ZDHHC21: variants seen among roughly 807,000 people sequenced by gnomAD.
ZDHHC21 encodes zDHHC palmitoyltransferase 21.
In ZDHHC21, 15 loss-of-function variants were observed where a neutral mutation model predicts 34.6. That is an observed-to-expected ratio of 0.43 (90% CI 0.29 to 0.67). The LOEUF is 0.67. ZDHHC21 is among the 30% of genes least tolerant of loss of function. The pLI, the probability that ZDHHC21 is intolerant of heterozygous loss-of-function variation, is 0.14. For missense variants in ZDHHC21, 344 were observed against 327.7 expected, an observed-to-expected ratio of 1.05 and a Z score of -0.38; for synonymous variants, 142 against 101.8, an observed-to-expected ratio of 1.40 and a Z score of -2.38.
chr9:14,690,532 T>C (rs1327247200), intron 1 of ZDHHC21, 147 bp from the exon 2 acceptor site: 1 of 365,356 alleles, frequency 2.7e-6, no homozygotes, highest in South Asian at 2.1e-5. Context: ...GGGCAACACA[T>C]CGGTTAAGAG....
intron 5 of ZDHHC21, among the ~76,000 whole-genome samples, chr9:14,663,338 T>C (rs189139776): frequency 6.5e-4 from 99 of 152,280 alleles, no homozygotes; most frequent in African/African-American, 2.2e-3. Flanking sequence ...GATTGAATTT[T>C]AGTACATGAA....
rs559380258 is a variant in ZDHHC21, at chr9:14,616,475, G to A, written c.*2491C>T. 1 of 151,766 alleles carries A rather than the reference G, an allele frequency of 6.6e-6. No homozygotes were observed. Among genetic ancestry groups the A allele is most frequent in the East Asian group, 1.9e-4 (1 of 5,146 alleles). The allele number at this position is 151,766 out of a possible 1,614,324, so 9.4% of individuals were successfully genotyped here. On this transcript the variant is annotated 3_prime_UTR_variant, in exon 10 of 10. Transcript: ENST00000380916. Reference sequence around the variant, plus strand: ...ATTTTTGTACATACACTCCTCCTAAGTTTGTACTTTTGATATGTTCAGAAT... The same window carrying A: ...ATTTTTGTACATACACTCCTCCTAAATTTGTACTTTTGATATGTTCAGAAT...
chr9:14,595,410 A>G, the ZDHHC21 span, among the ~76,000 whole-genome samples: 2 of 152,234 alleles, frequency 1.3e-5, no homozygotes, highest in African/African-American at 2.4e-5. Flanking sequence ...GTCAGACATA[A>G]AAGACTACAT....
At chr9:14,686,095 C>T (rs1412481554) in intron 2 of ZDHHC21, among the ~76,000 whole-genome samples, 3 of 151,860 alleles carry the variant, frequency 2.0e-5, no homozygotes, top group African/African-American at 7.3e-5. Flanking sequence ...ATGAGAACTA[C>T]CTAATGTAAA....
At position 14,616,681 on chromosome 9, in the gene ZDHHC21, G is replaced by A. The variant is rs1287563588; in HGVS notation, c.*2285C>T. ...CACAGGAGAGTTAGGTACGCTAACT[G>A]GGGAATACTGAAAGTTACAGTGTTA... On this transcript the variant is annotated 3_prime_UTR_variant, in exon 10 of 10. Transcript: ENST00000380916. 3 of 151,796 alleles carry A rather than the reference G, an allele frequency of 2.0e-5. No individual in the cohort carries two copies. Among genetic ancestry groups the A allele is most frequent in the Admixed American group, 6.6e-5 (1 of 15,192 alleles). 9.4% of individuals were successfully genotyped at this position (151,796 alleles called of 1,614,324 possible). A position where few individuals can be genotyped will look rare whatever the true frequency, so the allele number is the denominator to read the frequency against.
At chr9:14,659,819 A>G (rs537805379) in intron 6 of ZDHHC21, among the ~76,000 whole-genome samples, 1 of 152,184 alleles carries the variant, frequency 6.6e-6, no homozygotes, top group African/African-American at 2.4e-5. Context: ...TGTAAACAAG[A>G]AAATCTACTG....
At chr9:14,596,392 A>C in the ZDHHC21 span, among the ~76,000 whole-genome samples, 1 of 152,194 alleles carries the variant, frequency 6.6e-6, no homozygotes, top group Non-Finnish European at 1.5e-5. Context: ...CAGTGCCCTG[A>C]AGGAGTGTGT....
Position 14,640,020 on chromosome 9 carries a change from G to T in ZDHHC21, c.505-8C>A, listed in dbSNP as rs1280146378. On this transcript the variant is annotated splice_polypyrimidine_tract_variant and splice_region_variant and intron_variant, in intron 7 of 9. Transcript: ENST00000380916. ...TCTAAAAACAAAGAGGTCCTAAAAA[G>T]AAAAAGAAAGTCTTAAAAACCATTC... 1.3e-6 allele frequency: 2 copies of T among 1,550,908 alleles called. No individual in the cohort carries two copies. The highest frequency in any genetic ancestry group is 2.3e-5 in the South Asian group (2 of 85,550).
intron 7 of ZDHHC21, among the ~76,000 whole-genome samples, chr9:14,653,545 C>G (rs1454128044): frequency 6.6e-6 from 1 of 151,890 alleles, no homozygotes; most frequent in Non-Finnish European, 1.5e-5. Context: ...CAGTTACAGC[C>G]TCAAGGGTTT....
intron 2 of ZDHHC21, chr9:14,683,859 A>G (rs1181108920): frequency 6.6e-6 from 1 of 152,208 alleles, no homozygotes; most frequent in Admixed American, 6.5e-5. Flanking sequence ...CACCATGATC[A>G]AGTGGGCTTC....
chr9:14,590,681 A>T, the ZDHHC21 span, among the ~76,000 whole-genome samples: 1 of 152,206 alleles, frequency 6.6e-6, no homozygotes, highest in South Asian at 2.1e-4. Flanking sequence ...TGAAAGAAAA[A>T]TTTTTCAGAC....
At chr9:14,685,564 G>T (rs1182360861) in intron 2 of ZDHHC21, among the ~76,000 whole-genome samples, 1 of 152,216 alleles carries the variant, frequency 6.6e-6, no homozygotes, top group Non-Finnish European at 1.5e-5. Context: ...ACAGGTGCTG[G>T]AGAGGATATG....
intron 7 of ZDHHC21, among the ~76,000 whole-genome samples, chr9:14,640,610 C>T (rs1256201911): frequency 6.6e-6 from 1 of 152,034 alleles, no homozygotes; most frequent in Non-Finnish European, 1.5e-5. Flanking sequence ...TGTTACGTAA[C>T]AGAAATGTAT....
At chr9:14,639,746 CTACTT>C in intron 8 of ZDHHC21, 145 bp downstream of exon 8, 1 of 477,488 alleles carries the variant, frequency 2.1e-6, no homozygotes, top group East Asian at 3.2e-5. Context: ...TTGATTATAA[CTACTT>C]TAAAATTACA....
intron 6 of ZDHHC21, among the ~76,000 whole-genome samples, chr9:14,661,901 T>C (rs939989923): frequency 1.3e-5 from 2 of 152,206 alleles, no homozygotes; most frequent in Admixed American, 6.5e-5. Flanking sequence ...TACATCCTAC[T>C]TGTCAGATAT....
At chr9:14,633,053 C>A (rs1031404149) in intron 8 of ZDHHC21, among the ~76,000 whole-genome samples, 8 of 152,186 alleles carry the variant, frequency 5.3e-5, no homozygotes, top group African/African-American at 1.7e-4. Flanking sequence ...AGCAATTCCA[C>A]TTCTATATAC....
chr9:14,609,819 A>T (rs1232782832), downstream of ZDHHC21, among the ~76,000 whole-genome samples: 2 of 152,110 alleles, frequency 1.3e-5, no homozygotes, highest in Non-Finnish European at 2.9e-5. Flanking sequence ...CTTGAGTTTT[A>T]GTGTAGTACC....
the ZDHHC21 span, among the ~76,000 whole-genome samples, chr9:14,600,154 A>T: frequency 6.6e-6 from 1 of 152,244 alleles, no homozygotes; most frequent in Non-Finnish European, 1.5e-5. Flanking sequence ...AGTTCTAGCC[A>T]GGGCAATCAG....
intron 2 of ZDHHC21, among the ~76,000 whole-genome samples, chr9:14,680,850 T>C (rs1342907305): frequency 6.6e-6 from 1 of 152,140 alleles, no homozygotes; most frequent in Non-Finnish European, 1.5e-5. Context: ...AAAACTGTTA[T>C]CTCATATGGT....
Sources: gnomAD v4.1 joint callset for allele counts (sites outside exome capture counted in the v4.1 genomes callset) on GRCh38, gnomAD v4.1.1 for gene constraint, MANE v1.5 for transcripts, NCBI Gene and HGNC (gene_info 2026-07-23, HGNC 2026-07-21) for gene names.